The following DMD variants were observed in gnomAD, a reference collection of about 807,000 sequenced individuals.
DMD encodes the protein dystrophin, also known as mutant dystrophin.
A neutral mutation model predicts 330.1 loss-of-function variants in DMD; 63 were observed. That is an observed-to-expected ratio of 0.19 (90% CI 0.16 to 0.24). DMD has a LOEUF of 0.24. DMD is among the 10% of genes least tolerant of loss of function. The pLI is 1.00. For synonymous variants in DMD, 1,223 were observed against 959.8 expected (o/e 1.27, Z -5.07); for missense variants, 3,344 against 2,684.1 (o/e 1.25, Z -5.43).
intron 7 of DMD, among the ~76,000 whole-genome samples, chrX:32,796,455 G>C (rs1320889724): frequency 1.8e-5 from 2 of 111,189 alleles, no homozygotes; most frequent in Non-Finnish European, 3.8e-5. Context: ...CCAGAGGCTA[G>C]GAAGGGTAGG....
chrX:32,652,203 G>A (rs2060207720), intron 9 of DMD, among the ~76,000 whole-genome samples: 1 of 109,867 alleles, frequency 9.1e-6, no homozygotes, highest in East Asian at 2.9e-4. Flanking sequence ...TGTTACATAT[G>A]TATACATGTG....
chrX:31,835,863 T>C (rs1041352138), intron 49 of DMD, among the ~76,000 whole-genome samples: 2 of 111,712 alleles, frequency 1.8e-5, no homozygotes, highest in Admixed American at 9.5e-5. Flanking sequence ...ACGAGGTTCA[T>C]TGTATCCAAG....
chrX:32,357,133 C>G (rs1353940020), intron 37 of DMD, among the ~76,000 whole-genome samples: 2 of 111,769 alleles, frequency 1.8e-5, no homozygotes, highest in Non-Finnish European at 3.8e-5. Flanking sequence ...AGGTGATCTG[C>G]CTGCAGCGGC....
intron 47 of DMD, among the ~76,000 whole-genome samples, chrX:31,914,737 A>G (rs2094587322): frequency 8.9e-6 from 1 of 112,188 alleles, no homozygotes; most frequent in Admixed American, 9.4e-5. Flanking sequence ...GCTGGGAAGG[A>G]TAGTGGAGGA....
At chrX:32,420,818 A>C (rs1394625108) in intron 29 of DMD, among the ~76,000 whole-genome samples, 1 of 111,561 alleles carries the variant, frequency 9.0e-6, no homozygotes, top group East Asian at 2.8e-4. Context: ...AATAGTTTCC[A>C]ATCTTCAGTC....
At chrX:32,534,998 G>A (rs1377919337) in intron 17 of DMD, among the ~76,000 whole-genome samples, 2 of 111,468 alleles carry the variant, frequency 1.8e-5, no homozygotes, top group Non-Finnish European at 3.8e-5. Context: ...TATAAATGTG[G>A]TCATGGGAAG....
At chrX:31,514,872 T>G in intron 55 of DMD, among the ~76,000 whole-genome samples, 1 of 110,124 alleles carries the variant, frequency 9.1e-6, no homozygotes, top group East Asian at 2.9e-4. Flanking sequence ...ATGAATTTGG[T>G]TTATGAGCAG....
chrX:31,666,669 T>A (rs942031803), intron 53 of DMD, among the ~76,000 whole-genome samples: 7 of 112,032 alleles, frequency 6.2e-5, no homozygotes, highest in African/African-American at 1.6e-4. Flanking sequence ...ACATAAATGT[T>A]GAGGAAATGT....
intron 64 of DMD, among the ~76,000 whole-genome samples, chrX:31,215,486 T>C (rs903679490): frequency 1.8e-5 from 2 of 111,344 alleles, no homozygotes; most frequent in African/African-American, 6.5e-5. Flanking sequence ...TGGAGCAATA[T>C]TAATGTGGCT....
chrX:32,352,619 A>G (rs2097785716), intron 37 of DMD, among the ~76,000 whole-genome samples: 1 of 111,134 alleles, frequency 9.0e-6, no homozygotes, highest in Non-Finnish European at 1.9e-5. Flanking sequence ...CATTATACTC[A>G]TAACATTGTA....
At chrX:33,305,190 G>A (rs1382341496) in intron 1 of DMD, among the ~76,000 whole-genome samples, 5 of 105,918 alleles carry the variant, frequency 4.7e-5, no homozygotes. Context: ...ATGATAGACT[G>A]GATTAAGAAA....
At chrX:32,761,883 G>T (rs1355256628) in intron 7 of DMD, among the ~76,000 whole-genome samples, 1 of 111,199 alleles carries the variant, frequency 9.0e-6, no homozygotes, top group Admixed American at 9.6e-5. Flanking sequence ...GGGCATGGTG[G>T]CTCATGCTTG....
intron 44 of DMD, among the ~76,000 whole-genome samples, chrX:32,185,410 A>G (rs2096942244): frequency 9.0e-6 from 1 of 111,310 alleles, no homozygotes; most frequent in Non-Finnish European, 1.9e-5. Flanking sequence ...TCACACAAAG[A>G]TCTTTAAAGA....
At chrX:31,173,708 A>G in intron 71 of DMD, 104 bp from the exon 72 acceptor site, 1 of 622,440 alleles carries the variant, frequency 1.6e-6, no homozygotes, top group South Asian at 3.2e-5. Context: ...CTTTTATTCT[A>G]ATTCTATGGA....
At chrX:32,130,444 C>G (rs2096686313) in intron 44 of DMD, among the ~76,000 whole-genome samples, 1 of 111,540 alleles carries the variant, frequency 9.0e-6, no homozygotes, top group South Asian at 3.7e-4. Context: ...AATGCACACT[C>G]CATCCAAGAA....
Position 33,008,793 on chromosome X carries a change from C to CGTATATATACACATATATGT in DMD, c.93+11345_93+11346insACATATATGTGTATATATAC, listed in dbSNP as rs1557203688. ...TTATAACCTAAAACAACTATATATA[C>CGTATATATACACATATATGT]GTATATATACGTATATATACACATA... On this transcript the variant is annotated intron_variant, in intron 2 of 78. Transcript: ENST00000357033. Among the ~76,000 whole-genome samples the CGTATATATACACATATATGT allele has an allele frequency of 2.4e-4, 14 of 58,129 alleles. No individual in the cohort carries two copies. The South Asian group carries it at 0.012, about 48-fold the overall frequency. The allele number at this position is 58,129 out of a possible 115,157, so 50.5% of individuals were successfully genotyped here. A position where few individuals can be genotyped will look rare whatever the true frequency, so the allele number is the denominator to read the frequency against.
intron 7 of DMD, among the ~76,000 whole-genome samples, chrX:32,705,130 T>C (rs1008164720): frequency 8.9e-6 from 1 of 112,201 alleles, no homozygotes; most frequent in African/African-American, 3.2e-5. Flanking sequence ...CTATATACAA[T>C]AGATATACAA....
At chrX:32,189,368 T>A (rs1479830838) in intron 44 of DMD, among the ~76,000 whole-genome samples, 35 of 74,439 alleles carry the variant, frequency 4.7e-4, no homozygotes, top group Non-Finnish European at 6.4e-4. Context: ...GTCAGCAAAC[T>A]ACAAAAAAAA....
At chrX:32,353,296 G>T (rs756653579) in intron 37 of DMD, among the ~76,000 whole-genome samples, 1 of 111,249 alleles carries the variant, frequency 9.0e-6, no homozygotes, top group South Asian at 3.7e-4. Flanking sequence ...GTCATTCCTT[G>T]GTCTTCCCTG....
Sources: allele counts gnomAD v4.1 joint callset (sites outside exome capture counted in the v4.1 genomes callset), GRCh38; gene constraint gnomAD v4.1.1; transcripts MANE v1.5; gene names NCBI Gene and HGNC (gene_info 2026-07-23, HGNC 2026-07-21).